FUBP1: variants seen among roughly 807,000 people sequenced by gnomAD.
FUBP1 encodes far upstream element-binding protein 1.
A neutral mutation model predicts 94.9 loss-of-function variants in FUBP1; 16 were observed. The ratio of observed to expected loss-of-function variants is 0.17; its 90% confidence interval spans 0.11 to 0.26. FUBP1 has a LOEUF of 0.26. Ranked by LOEUF, FUBP1 falls within the 10% of genes least tolerant of loss-of-function variation. FUBP1 has a pLI of 1.00. For missense variants in FUBP1, 583 were observed against 808.6 expected, an observed-to-expected ratio of 0.72 and a Z score of 3.38; for synonymous variants, 279 against 254.9, an observed-to-expected ratio of 1.09 and a Z score of -0.90.
intron 18 of FUBP1, among the ~76,000 whole-genome samples, chr1:77,953,697 A>G (rs188082070): frequency 6.6e-6 from 1 of 152,278 alleles, no homozygotes; most frequent in Non-Finnish European, 1.5e-5. Flanking sequence ...GGTAAAAAAA[A>G]ATAAAAAATT....
At chr1:77,973,099 GACT>G (rs772793170) in intron 1 of FUBP1, among the ~76,000 whole-genome samples, 4 of 151,664 alleles carry the variant, frequency 2.6e-5, no homozygotes, top group African/African-American at 7.3e-5. Flanking sequence ...ATTCCTAGGT[GACT>G]ACAAGGATAG....
At chr1:77,978,776 C>A in intron 1 of FUBP1, 109 bp downstream of exon 1, 1 of 1,340,896 alleles carries the variant, frequency 7.5e-7, no homozygotes, top group Non-Finnish European at 1.1e-6. Context: ...CATTTCAGCC[C>A]GGAAGAACAC....
At chr1:77,965,592 TA>T (rs1180689507) in intron 7 of FUBP1, among the ~76,000 whole-genome samples, 4 of 152,238 alleles carry the variant, frequency 2.6e-5, no homozygotes. Flanking sequence ...ATGCTACAAT[TA>T]TTCATTCAAC....
In FUBP1 at chr1:77,962,662, T is replaced by A. The variant is rs1289238533; in HGVS notation, c.1344+108A>T. On this transcript the variant is annotated intron_variant, in intron 14 of 19. Transcript: ENST00000370768. The stretch of plus-strand genomic sequence containing the variant: ...TTATACATATCATGAAATCTATAAA[T>A]GCTGACTAGTAATGATACATTTTCC... 4.9e-6 allele frequency: 3 copies of A among 607,088 alleles called. No homozygotes were observed. The East Asian group carries it at 8.3e-5, about 17-fold the overall frequency. The allele number at this position is 607,088 out of a possible 1,614,324, so 37.6% of individuals were successfully genotyped here. A position where few individuals can be genotyped will look rare whatever the true frequency, so the allele number is the denominator to read the frequency against.
At chr1:77,968,886 A>G (rs1042568523) in intron 2 of FUBP1, 3 of 349,460 alleles carry the variant, frequency 8.6e-6, no homozygotes, top group Non-Finnish European at 1.8e-5. Context: ...TTAAATGATT[A>G]AACATCAGAA....
intron 18 of FUBP1, among the ~76,000 whole-genome samples, chr1:77,949,874 G>T (rs1487439230): frequency 1.3e-5 from 2 of 152,166 alleles, no homozygotes; most frequent in African/African-American, 2.4e-5. Context: ...ATAATAAGAT[G>T]TTAAAAGTAT....
chr1:77,978,719 T>A (rs1659246241), intron 1 of FUBP1, among the ~76,000 whole-genome samples, 166 bp downstream of exon 1: 1 of 152,216 alleles, frequency 6.6e-6, no homozygotes, highest in African/African-American at 2.4e-5. Context: ...AAAACTGGGT[T>A]CTGGTCTCTA....
intron 16 of FUBP1, 62 bp from the exon 17 acceptor site, chr1:77,956,762 C>A: frequency 7.8e-7 from 1 of 1,283,904 alleles, no homozygotes; most frequent in South Asian, 1.4e-5. Flanking sequence ...CACACACACA[C>A]ACACCACCCC....
chr1:77,957,123 G>C (rs940910538), intron 16 of FUBP1, among the ~76,000 whole-genome samples: 1 of 152,102 alleles, frequency 6.6e-6, no homozygotes, highest in South Asian at 2.1e-4. Context: ...AATTATTTTA[G>C]AACAATGAAC....
intron 1 of FUBP1, among the ~76,000 whole-genome samples, chr1:77,976,818 T>C (rs1658687854): frequency 6.6e-6 from 1 of 152,194 alleles, no homozygotes; most frequent in South Asian, 2.1e-4. Flanking sequence ...AATTAAAGCA[T>C]TGCAACACAA....
At chr1:77,977,767 C>T (rs914791417) in intron 1 of FUBP1, among the ~76,000 whole-genome samples, 2 of 152,146 alleles carry the variant, frequency 1.3e-5, no homozygotes, top group Admixed American at 6.5e-5. Context: ...TTAATGATGA[C>T]CTTTTGTTGA....
chr1:77,945,804 A>G lies in FUBP1; in HGVS notation c.*2962T>C, dbSNP rs1028168139. 2 of 213,140 alleles carry G rather than the reference A, an allele frequency of 9.4e-6. No individual in the cohort carries two copies. Among genetic ancestry groups the G allele is most frequent in the African/African-American group, 4.5e-5 (2 of 44,326 alleles). 13.2% of individuals were successfully genotyped at this position (213,140 alleles called of 1,614,324 possible). On this transcript the variant is annotated 3_prime_UTR_variant, in exon 20 of 20. Coordinates refer to ENST00000370768, the MANE Select transcript of FUBP1 (RefSeq NM_003902.5). ...TAACTCAAAATATGTACCAGTTAAA[A>G]TCATCTATAAAAACACACAAACATT...
In FUBP1 at chr1:77,946,476, A is replaced by G. The variant is rs1167593290; in HGVS notation, c.*2290T>C. The G allele has an allele frequency of 4.9e-6, 1 of 202,454 alleles. No homozygotes were observed. The highest frequency in any genetic ancestry group is 7.6e-5 in the East Asian group (1 of 13,164). The allele number at this position is 202,454 out of a possible 1,614,324, so 12.5% of individuals were successfully genotyped here. On this transcript the variant is annotated 3_prime_UTR_variant, in exon 20 of 20. Coordinates refer to ENST00000370768, the MANE Select transcript of FUBP1 (RefSeq NM_003902.5). ...ACACAACCACAAAAACCTCACAGGG[A>G]CAACATTAATGTATTGAAATATTTA...
At position 77,945,752 on chromosome 1, in the gene FUBP1, T is replaced by C. The variant is rs1036080614; in HGVS notation, c.*3014A>G. 6 of 213,084 alleles carry C rather than the reference T, an allele frequency of 2.8e-5. No homozygotes were observed. The highest frequency in any genetic ancestry group is 1.4e-4 in the African/African-American group (6 of 44,306). 13.2% of individuals were successfully genotyped at this position (213,084 alleles called of 1,614,324 possible). On this transcript the variant is annotated 3_prime_UTR_variant, in exon 20 of 20. Coordinates refer to ENST00000370768, the MANE Select transcript of FUBP1 (RefSeq NM_003902.5). ...TTAGAAATCGAATAAACAAAACTGA[T>C]AAGATGCTGCTTTCATACATTCAAC... is the stretch of plus-strand genomic sequence containing the variant.
chr1:77,948,690 T>C lies in FUBP1; in HGVS notation c.*76A>G. ...AAACAAAATTAAGATCTTCATCAAG[T>C]CGTCTGCATCCATATATTTAACAAA... On this transcript the variant is annotated 3_prime_UTR_variant, in exon 20 of 20. Coordinates refer to ENST00000370768, the MANE Select transcript of FUBP1 (RefSeq NM_003902.5). 6.6e-7 allele frequency: 1 copy of C among 1,522,318 alleles called. No homozygotes were observed. The highest frequency in any genetic ancestry group is 8.8e-7 in the Non-Finnish European group (1 of 1,142,222). The allele number at this position is 1,522,318 out of a possible 1,614,324, so 94.3% of individuals were successfully genotyped here. A position where few individuals can be genotyped will look rare whatever the true frequency, so the allele number is the denominator to read the frequency against.
chr1:77,958,756 G>A lies in FUBP1; in HGVS notation c.1576+1428C>T, dbSNP rs186361664. ...CCTCAATCATGCTAACCACCCAGTA[G>A]TGCTCAAAAATACAATCCTGGCAGA... On this transcript the variant is annotated intron_variant, in intron 16 of 19. Transcript: ENST00000370768. Among the ~76,000 whole-genome samples, 126 of 152,198 alleles carry A rather than the reference G, an allele frequency of 8.3e-4. 3 individuals are homozygous for A. In the East Asian group the frequency reaches 0.023, roughly 28 times the overall value.
intron 14 of FUBP1, among the ~76,000 whole-genome samples, 194 bp downstream of exon 14, chr1:77,962,576 C>T (rs1655700804): frequency 6.6e-6 from 1 of 152,146 alleles, no homozygotes; most frequent in African/African-American, 2.4e-5. Context: ...GTTCTCAAAA[C>T]CTGTAACTAC....
chr1:77,948,168 A>T lies in FUBP1; in HGVS notation c.*598T>A, dbSNP rs1239253356. 1 of 1,042,176 alleles carries T rather than the reference A, an allele frequency of 9.6e-7. No individual in the cohort carries two copies. The highest frequency in any genetic ancestry group is 1.7e-5 in the African/African-American group (1 of 59,858). 64.6% of individuals were successfully genotyped at this position (1,042,176 alleles called of 1,614,324 possible). On this transcript the variant is annotated 3_prime_UTR_variant, in exon 20 of 20. Transcript: ENST00000370768. Reference sequence around the variant, plus strand: ...TGTACACACATGCAGTTTTTAATCAAACAGAAGGAAAAAAAATGAAGATAT... The same window carrying T: ...TGTACACACATGCAGTTTTTAATCATACAGAAGGAAAAAAAATGAAGATAT...
At chr1:77,950,663 A>G (rs1653281991) in intron 18 of FUBP1, among the ~76,000 whole-genome samples, 1 of 152,244 alleles carries the variant, frequency 6.6e-6, no homozygotes, top group South Asian at 2.1e-4. Flanking sequence ...TCTCCTATTC[A>G]GTTTCTTTAC....
Sources: gnomAD v4.1 joint callset for allele counts (sites outside exome capture counted in the v4.1 genomes callset) on GRCh38, gnomAD v4.1.1 for gene constraint, MANE v1.5 for transcripts, NCBI Gene and HGNC (gene_info 2026-07-23, HGNC 2026-07-21) for gene names.